PPARGC1A: variants seen among roughly 807,000 people sequenced by gnomAD.
The protein encoded by PPARGC1A is peroxisome proliferator-activated receptor gamma coactivator 1-alpha.
Under a neutral mutation model 88.7 loss-of-function variants are expected in PPARGC1A, and 25 were observed. That is an observed-to-expected ratio of 0.28 (90% CI 0.21 to 0.39). The LOEUF is 0.39. Ranked by LOEUF, PPARGC1A falls within the 10% of genes least tolerant of loss-of-function variation. The probability of loss-of-function intolerance (pLI) is 1.00; values close to 1 mark genes in which losing one functional copy is unlikely to be tolerated. For missense variants in PPARGC1A, 880 were observed against 968.7 expected (o/e 0.91, Z 1.22); for synonymous variants, 363 against 355.6 (o/e 1.02, Z -0.24).
the PPARGC1A span, among the ~76,000 whole-genome samples, chr4:24,216,743 G>A: frequency 2.0e-5 from 3 of 152,090 alleles, no homozygotes; most frequent in Non-Finnish European, 4.4e-5. Flanking sequence ...CAAAAAACAG[G>A]TAGAAAGAAA....
At chr4:24,129,645 G>A in the PPARGC1A span, among the ~76,000 whole-genome samples, 1 of 152,130 alleles carries the variant, frequency 6.6e-6, no homozygotes, top group Non-Finnish European at 1.5e-5. Context: ...TCATTACTGG[G>A]TATATACCCA....
At chr4:23,816,547 A>C (rs887659558) in intron 7 of PPARGC1A, among the ~76,000 whole-genome samples, 4 of 152,170 alleles carry the variant, frequency 2.6e-5, no homozygotes, top group African/African-American at 9.7e-5. Context: ...CGAGATAAAA[A>C]AAAAAGCACA....
chr4:24,432,048 G>A, the PPARGC1A span, among the ~76,000 whole-genome samples: 626 of 152,284 alleles, frequency 4.1e-3, 3 homozygotes, highest in African/African-American at 0.014. Context: ...CAAGTTGCAA[G>A]GGAGTAGGAA....
chr4:24,237,283 C>T, the PPARGC1A span, among the ~76,000 whole-genome samples: 1 of 151,516 alleles, frequency 6.6e-6, no homozygotes, highest in Admixed American at 6.6e-5. Flanking sequence ...GTTGCTTCCT[C>T]TGTCTACTTT....
the PPARGC1A span, among the ~76,000 whole-genome samples, chr4:24,390,063 T>C: frequency 1.4e-5 from 2 of 147,752 alleles, no homozygotes; most frequent in African/African-American, 5.1e-5. Context: ...GAATTGTAAG[T>C]AACTTATTTT....
the PPARGC1A span, among the ~76,000 whole-genome samples, chr4:23,938,061 G>A: frequency 6.6e-6 from 1 of 151,992 alleles, no homozygotes; most frequent in South Asian, 2.1e-4. Context: ...CCTTGGAGAG[G>A]CCAAAATGGG....
the PPARGC1A span, among the ~76,000 whole-genome samples, chr4:24,410,117 T>A: frequency 1.3e-5 from 2 of 152,190 alleles, no homozygotes; most frequent in Non-Finnish European, 2.9e-5. Context: ...GATTCCTCCA[T>A]TAACTTGTCT....
At chr4:24,117,917 T>C in the PPARGC1A span, among the ~76,000 whole-genome samples, 1 of 151,962 alleles carries the variant, frequency 6.6e-6, no homozygotes, top group Non-Finnish European at 1.5e-5. Context: ...CTGGGCCTCA[T>C]TTCTAATTCC....
At chr4:24,340,035 C>A in the PPARGC1A span, among the ~76,000 whole-genome samples, 1 of 152,016 alleles carries the variant, frequency 6.6e-6, no homozygotes, top group African/African-American at 2.4e-5. Flanking sequence ...CCGTGCCCGG[C>A]CTAGGTTTTT....
At chr4:24,046,712 C>T in the PPARGC1A span, among the ~76,000 whole-genome samples, 1 of 152,148 alleles carries the variant, frequency 6.6e-6, no homozygotes, top group South Asian at 2.1e-4. Flanking sequence ...GCCTTCATTG[C>T]AGTTAAGTAT....
intron 2 of PPARGC1A, among the ~76,000 whole-genome samples, chr4:23,841,563 T>G (rs1727055185): frequency 6.6e-6 from 1 of 151,996 alleles, no homozygotes; most frequent in African/African-American, 2.4e-5. Flanking sequence ...CATGACCAAA[T>G]TAAGCAGCCA....
At chr4:24,077,633 GT>G in the PPARGC1A span, among the ~76,000 whole-genome samples, 10 of 130,440 alleles carry the variant, frequency 7.7e-5, no homozygotes, top group Non-Finnish European at 1.4e-4. Flanking sequence ...GGGTGTGTGT[GT>G]GTGTGTGTGT....
At position 23,828,424 on chromosome 4, in the gene PPARGC1A, G is replaced by C. The variant is rs1724382318; in HGVS notation, c.733C>G (p.Gln245Glu). Residue 245 changes from glutamine to glutamate, a missense_variant, in exon 5 of 13, where the codon CAG becomes GAG. By Grantham distance (29) the Gln-to-Glu change is conservative (BLOSUM62 2). Coordinates refer to ENST00000264867, the MANE Select transcript of PPARGC1A (RefSeq NM_013261.5). The stretch of plus-strand genomic sequence containing the variant: ...CCTTGTAAGTGTTGTGACTGCGACT[G>C]TGTGTGGGACTTCTTTTTGGAGGTG... ...KCTSKKKSHT[Q>E]SQSQHLQAKP... 1 of 1,613,872 alleles carries C rather than the reference G, an allele frequency of 6.2e-7. No individual in the cohort carries two copies. Among genetic ancestry groups the C allele is most frequent in the Non-Finnish European group, 8.5e-7 (1 of 1,179,854 alleles).
the PPARGC1A span, among the ~76,000 whole-genome samples, chr4:24,001,254 T>C: frequency 2.6e-5 from 4 of 152,214 alleles, no homozygotes; most frequent in Admixed American, 2.0e-4. Flanking sequence ...TGTTATAATA[T>C]GCTATTAATT....
chr4:24,102,469 G>C, the PPARGC1A span, among the ~76,000 whole-genome samples: 1 of 152,194 alleles, frequency 6.6e-6, no homozygotes, highest in Non-Finnish European at 1.5e-5. Context: ...GGGTCCTTCT[G>C]ATCTAATAGC....
At chr4:23,923,122 T>TCG in the PPARGC1A span, among the ~76,000 whole-genome samples, 1 of 136,790 alleles carries the variant, frequency 7.3e-6, no homozygotes, top group South Asian at 2.3e-4. Context: ...GCTTGTTTTT[T>TCG]TTTTTTTTTT....
the PPARGC1A span, among the ~76,000 whole-genome samples, chr4:24,007,734 A>T: frequency 6.6e-6 from 1 of 152,282 alleles, no homozygotes; most frequent in South Asian, 2.1e-4. Context: ...CTCTGTCTTT[A>T]TCTTAAGAAC....
chr4:23,977,725 C>T, the PPARGC1A span, among the ~76,000 whole-genome samples: 91 of 152,230 alleles, frequency 6.0e-4, 2 homozygotes, highest in South Asian at 0.017. Context: ...ATGGATAGCT[C>T]GAAGAGAAAT....
At chr4:23,942,561 C>T in the PPARGC1A span, among the ~76,000 whole-genome samples, 5 of 152,296 alleles carry the variant, frequency 3.3e-5, no homozygotes, top group East Asian at 5.8e-4. Context: ...TTCACTTCCA[C>T]ACTTACTGAA....
Sources: gnomAD v4.1 joint callset for allele counts (sites outside exome capture counted in the v4.1 genomes callset) on GRCh38, gnomAD v4.1.1 for gene constraint, MANE v1.5 for transcripts, NCBI Gene and HGNC (gene_info 2026-07-23, HGNC 2026-07-21) for gene names.